EXOC2: variants seen among roughly 807,000 people sequenced by gnomAD.
EXOC2 encodes the protein exocyst complex component 2.
EXOC2 carries 70 observed loss-of-function variants against 131.8 expected under a neutral mutation model. The observed-to-expected ratio is 0.53, with a 90% CI of 0.44 to 0.65. The LOEUF is 0.65. Among genes scored for constraint, EXOC2 ranks in the 30% least tolerant of loss-of-function variants. EXOC2 has a pLI of 0.00. For missense variants in EXOC2, 923 were observed against 1,108.6 expected (o/e 0.83, Z 2.38); for synonymous variants, 411 against 398.4 (o/e 1.03, Z -0.38).
chr6:656,867 T>G, intron 1 of EXOC2: 1 of 1,608,346 alleles, frequency 6.2e-7, no homozygotes, highest in Non-Finnish European at 8.5e-7. Flanking sequence ...AGACCTTCGC[T>G]AGCCTCGCGA....
intron 12 of EXOC2, among the ~76,000 whole-genome samples, chr6:575,525 G>A (rs114797072): frequency 2.1e-4 from 31 of 150,922 alleles, no homozygotes; most frequent in African/African-American, 7.1e-4. Flanking sequence ...CCTCTCCCTC[G>A]CTCCATCTCC....
At chr6:674,824 C>T (rs1764036920) in intron 1 of EXOC2, among the ~76,000 whole-genome samples, 1 of 152,010 alleles carries the variant, frequency 6.6e-6, no homozygotes, top group Non-Finnish European at 1.5e-5. Context: ...TGGCTAATTC[C>T]TAGAGGTCAC....
At chr6:634,103 T>C (rs559056031) in intron 2 of EXOC2, among the ~76,000 whole-genome samples, 21 of 152,170 alleles carry the variant, frequency 1.4e-4, no homozygotes, top group Non-Finnish European at 2.5e-4. Context: ...TCTTGCTCTG[T>C]TGCCCAGGCT....
At chr6:545,268 G>T (rs1293054026) in intron 22 of EXOC2, among the ~76,000 whole-genome samples, 1 of 151,726 alleles carries the variant, frequency 6.6e-6, no homozygotes, top group Admixed American at 6.6e-5. Context: ...TGAATTAGAT[G>T]CTTATTTTTA....
At chr6:652,104 C>A (rs891976744) in intron 1 of EXOC2, among the ~76,000 whole-genome samples, 33 of 142,806 alleles carry the variant, frequency 2.3e-4, no homozygotes, top group African/African-American at 9.2e-4. Context: ...ACTCACCAAA[C>A]AAAATAATTC....
intron 1 of EXOC2, among the ~76,000 whole-genome samples, chr6:692,640 T>A (rs1392451736): frequency 2.6e-5 from 4 of 152,268 alleles, no homozygotes; most frequent in African/African-American, 4.8e-5. Context: ...CGTTCACTTT[T>A]CCGGAGAAAT....
chr6:664,939 G>A (rs949832875), intron 1 of EXOC2, among the ~76,000 whole-genome samples: 3 of 152,062 alleles, frequency 2.0e-5, no homozygotes, highest in African/African-American at 7.2e-5. Flanking sequence ...TAAATAGCTG[G>A]GACCTAACTA....
intron 23 of EXOC2, among the ~76,000 whole-genome samples, chr6:529,183 G>C (rs1007581346): frequency 3.3e-5 from 5 of 151,916 alleles, no homozygotes; most frequent in Non-Finnish European, 7.4e-5. Flanking sequence ...TCGTGATAAT[G>C]GCCAGCAGCC....
chr6:577,566 T>A (rs1053221001), intron 11 of EXOC2, among the ~76,000 whole-genome samples: 1 of 152,194 alleles, frequency 6.6e-6, no homozygotes, highest in South Asian at 2.1e-4. Context: ...CACAAAAGCC[T>A]TTAGGAATAG....
At chr6:679,876 T>C (rs1339811396) in intron 1 of EXOC2, among the ~76,000 whole-genome samples, 6 of 152,194 alleles carry the variant, frequency 3.9e-5, no homozygotes, top group African/African-American at 1.4e-4. Flanking sequence ...AAAAAGTTCC[T>C]AGAAGGAAGT....
At chr6:603,925 T>C (rs969826960) in intron 7 of EXOC2, among the ~76,000 whole-genome samples, 4 of 152,228 alleles carry the variant, frequency 2.6e-5, no homozygotes, top group African/African-American at 7.2e-5. Flanking sequence ...TCACTGGACA[T>C]ACAATAATGA....
At chr6:537,868 G>T (rs540898668) in intron 22 of EXOC2, among the ~76,000 whole-genome samples, 1 of 152,328 alleles carries the variant, frequency 6.6e-6, no homozygotes, top group South Asian at 2.1e-4. Context: ...TAAAGTTCTG[G>T]GACAGGCAAA....
intron 13 of EXOC2, among the ~76,000 whole-genome samples, chr6:569,354 A>G (rs1389645112): frequency 1.3e-5 from 2 of 152,322 alleles, no homozygotes; most frequent in East Asian, 3.8e-4. Context: ...TTTGATTCAC[A>G]TTTGTTATTT....
Position 612,903 on chromosome 6 carries a change from C to A in EXOC2, c.662-2725G>T, listed in dbSNP as rs1010342891. 7.9e-5 allele frequency among the ~76,000 whole-genome samples: 12 copies of A among 152,102 alleles called. No homozygotes were observed. In the East Asian group the frequency reaches 2.3e-3, roughly 29 times the overall value. ...GGGCAAGTGATAATGCTGGACTTGC[C>A]GCTAAAAACAAGAGATTATACAGGT... On this transcript the variant is annotated intron_variant, in intron 6 of 27. Coordinates refer to ENST00000230449, the MANE Select transcript of EXOC2 (RefSeq NM_018303.6).
rs1763257787 is a variant in EXOC2, at chr6:658,649, ATATATATATATATATAT to A, written c.-43-20805_-43-20789del. 4.4e-5 allele frequency among the ~76,000 whole-genome samples: 3 copies of A among 68,278 alleles called. No homozygotes were observed. In the Admixed American group the frequency reaches 4.5e-4, roughly 10 times the overall value. 44.8% of individuals were successfully genotyped at this position (68,278 alleles called of 152,430 possible). A position where few individuals can be genotyped will look rare whatever the true frequency, so the allele number is the denominator to read the frequency against. On this transcript the variant is annotated intron_variant, in intron 1 of 27. Coordinates refer to ENST00000230449, the MANE Select transcript of EXOC2 (RefSeq NM_018303.6). ...TTTAAAATATATATATATATTTTAT[ATATATATATATATATAT>A]TTTTTTTTTTTTTAGACGAAGTCTT...
At chr6:488,625 C>G (rs1475136234) in intron 27 of EXOC2, among the ~76,000 whole-genome samples, 2 of 140,352 alleles carry the variant, frequency 1.4e-5, no homozygotes, top group African/African-American at 4.9e-5. Flanking sequence ...ACTATGCTGT[C>G]TTCTTTTTTC....
At chr6:536,173 C>G (rs758643106) in intron 22 of EXOC2, among the ~76,000 whole-genome samples, 1 of 152,136 alleles carries the variant, frequency 6.6e-6, no homozygotes, top group Non-Finnish European at 1.5e-5. Flanking sequence ...TCCATGAGAT[C>G]TGGCAAGAAA....
chr6:663,972 C>T (rs570144111), intron 1 of EXOC2, among the ~76,000 whole-genome samples: 1 of 152,104 alleles, frequency 6.6e-6, no homozygotes. Context: ...GCATCCAAAT[C>T]GGTAAAGAGG....
chr6:611,491 G>A (rs1035317339), intron 6 of EXOC2, among the ~76,000 whole-genome samples: 1 of 152,212 alleles, frequency 6.6e-6, no homozygotes, highest in African/African-American at 2.4e-5. Context: ...CATCACTGAT[G>A]AGCAGGTCAA....
Sources: gnomAD v4.1 joint callset for allele counts (sites outside exome capture counted in the v4.1 genomes callset) on GRCh38, gnomAD v4.1.1 for gene constraint, MANE v1.5 for transcripts, NCBI Gene and HGNC (gene_info 2026-07-23, HGNC 2026-07-21) for gene names.